The following CAMK2G variants were observed in gnomAD, a reference collection of about 807,000 sequenced individuals.
CAMK2G encodes the protein calcium/calmodulin-dependent protein kinase type II subunit gamma.
A neutral mutation model predicts 88.7 loss-of-function variants in CAMK2G; 23 were observed. The ratio of observed to expected loss-of-function variants is 0.26; its 90% CI spans 0.19 to 0.37. The LOEUF (loss-of-function observed/expected upper bound fraction) is 0.37, where lower values mean the gene tolerates loss of function less well. CAMK2G is among the 10% of genes least tolerant of loss of function. The probability of loss-of-function intolerance (pLI) is 1.00; values close to 1 mark genes in which losing one functional copy is unlikely to be tolerated. For synonymous variants in CAMK2G, 263 were observed against 294.8 expected, an observed-to-expected ratio of 0.89 and a Z score of 1.11; for missense variants, 476 against 780.8, an observed-to-expected ratio of 0.61 and a Z score of 4.65.
chr10:73,828,370 G>T (rs1406186837), intron 14 of CAMK2G, among the ~76,000 whole-genome samples: 1 of 152,206 alleles, frequency 6.6e-6, no homozygotes, highest in East Asian at 1.9e-4. Context: ...TATCTTCTGA[G>T]ATGTCTCAGC....
intron 4 of CAMK2G, 127 bp downstream of exon 4, chr10:73,853,065 C>T (rs1008254420): frequency 8.2e-6 from 7 of 854,108 alleles, no homozygotes; most frequent in African/African-American, 3.4e-5. Flanking sequence ...CCAGTCAAAT[C>T]CTTTCCCTCG....
Position 73,839,926 on chromosome 10 carries a change from T to A in CAMK2G, c.947-325A>T, listed in dbSNP as rs1207411057. Among the ~76,000 whole-genome samples, 2 of 152,146 alleles carry A rather than the reference T, an allele frequency of 1.3e-5. No individual in the cohort carries two copies. Among genetic ancestry groups the A allele is most frequent in the African/African-American group, 4.8e-5 (2 of 41,432 alleles). The stretch of plus-strand genomic sequence containing the variant: ...GCCGGTGAGAGGCAGGTGCCCCTTC[T>A]GAGGTAGCCCGGCCCTAGCTTAAGG... On this transcript the variant is annotated intron_variant, in intron 12 of 22. Transcript: ENST00000423381. The surrounding 1 kb of genome is among the most constrained non-coding windows in gnomAD (Gnocchi z 4.2).
intron 2 of CAMK2G, among the ~76,000 whole-genome samples, chr10:73,865,539 G>A (rs963858438): frequency 6.6e-6 from 1 of 152,134 alleles, no homozygotes; most frequent in African/African-American, 2.4e-5. Flanking sequence ...TCACATCCAG[G>A]GCTGGCCCAC....
At chr10:73,834,783 A>C (rs1386257003) in intron 14 of CAMK2G, among the ~76,000 whole-genome samples, 1 of 152,186 alleles carries the variant, frequency 6.6e-6, no homozygotes, top group East Asian at 1.9e-4. Context: ...TCCTTGGGCT[A>C]ATCTTACATG....
intron 18 of CAMK2G, among the ~76,000 whole-genome samples, chr10:73,820,338 C>CTG (rs2087513899): frequency 6.6e-6 from 1 of 151,612 alleles, no homozygotes; most frequent in African/African-American, 2.4e-5. Context: ...TACGGGCCCA[C>CTG]CAGGACATGA....
Position 73,848,690 on chromosome 10 carries a change from C to T in CAMK2G, c.518-81G>A. The T allele has an allele frequency of 1.3e-6, 1 of 772,860 alleles. No homozygotes were observed. The highest frequency in any genetic ancestry group is 1.7e-5 in the South Asian group (1 of 60,384). 47.9% of individuals were successfully genotyped at this position (772,860 alleles called of 1,614,324 possible). A position where few individuals can be genotyped will look rare whatever the true frequency, so the allele number is the denominator to read the frequency against. On this transcript the variant is annotated intron_variant, in intron 7 of 22. Coordinates refer to ENST00000423381, the MANE Select transcript of CAMK2G (RefSeq NM_001367534.1). This position sits in a 1 kb window ranked among gnomAD's most constrained non-coding sequence, Gnocchi z 4.5. ...CCACACCAGCCATTTCCCCCAAGTC[C>T]CATCTTATTCCTGCTGCTTTTGCTA...
intron 18 of CAMK2G, among the ~76,000 whole-genome samples, chr10:73,819,936 G>T (rs1301839641): frequency 6.6e-6 from 1 of 152,212 alleles, no homozygotes; most frequent in Non-Finnish European, 1.5e-5. Context: ...CGGGGAAGAT[G>T]TTCCAGGGGG....
intron 14 of CAMK2G, among the ~76,000 whole-genome samples, chr10:73,831,534 TAAAAAAAAAAAAAA>T (rs985986206): frequency 1.8e-5 from 1 of 54,614 alleles, no homozygotes; most frequent in Non-Finnish European, 3.5e-5. Flanking sequence ...AGACTCCGTC[TAAAAAAAAAAAAAA>T]AAAAAAAAAA....
At position 73,867,897 on chromosome 10, in the gene CAMK2G, T is replaced by G. The variant is rs1405168588; in HGVS notation, c.160+5092A>C. The stretch of plus-strand genomic sequence containing the variant: ...GAGCCCTGGCAAAGTCATGGGCACC[T>G]GCAGCACAAAACCAAAAAAGAAAAA... On this transcript the variant is annotated intron_variant, in intron 2 of 22. Coordinates refer to ENST00000423381, the MANE Select transcript of CAMK2G (RefSeq NM_001367534.1). Among the ~76,000 whole-genome samples, 3 of 152,252 alleles carry G rather than the reference T, an allele frequency of 2.0e-5. No homozygotes were observed. The South Asian group carries it at 6.2e-4, about 32-fold the overall frequency.
chr10:73,834,241 A>C (rs2092926044), intron 14 of CAMK2G, among the ~76,000 whole-genome samples: 2 of 152,132 alleles, frequency 1.3e-5, no homozygotes, highest in Admixed American at 6.5e-5. Flanking sequence ...AAGAGGGATT[A>C]TTTGTCACAG....
At chr10:73,818,607 G>C (rs2086593557) in intron 19 of CAMK2G, 1 of 440,002 alleles carries the variant, frequency 2.3e-6, no homozygotes, top group African/African-American at 2.0e-5. Flanking sequence ...GGACAGGGCA[G>C]CGCAGCCAAA....
rs375698377 is a variant in CAMK2G at position 73,838,015 on chromosome 10, C to G, written c.1010-504G>C. On this transcript the variant is annotated intron_variant, in intron 13 of 22. Coordinates refer to ENST00000423381, the MANE Select transcript of CAMK2G (RefSeq NM_001367534.1). ...CAGACACAGAAACCAGGACCACCTA[C>G]AGGAGGGTTTTGCCAGGGGGTTGAA... is the stretch of plus-strand genomic sequence containing the variant. Among the ~76,000 whole-genome samples the G allele has an allele frequency of 1.7e-4, 26 of 152,222 alleles. No homozygotes were observed. The East Asian group carries it at 1.7e-3, about 10-fold the overall frequency.
rs2093599131 is a variant in CAMK2G, at chr10:73,839,628, C to T, written c.947-27G>A. On this transcript the variant is annotated intron_variant, in intron 12 of 22. Coordinates refer to ENST00000423381, the MANE Select transcript of CAMK2G (RefSeq NM_001367534.1). The surrounding 1 kb of genome is among the most constrained non-coding windows in gnomAD (Gnocchi z 4.2). ...TGAGGGGATACAGTCTCTCAGTGCACAGAGCCCCGCAAAGCCACGGGGCCG... is the reference window on the plus strand; with the variant it reads ...TGAGGGGATACAGTCTCTCAGTGCATAGAGCCCCGCAAAGCCACGGGGCCG... 4.9e-6 allele frequency: 6 copies of T among 1,214,748 alleles called. No individual in the cohort carries two copies. The highest frequency in any genetic ancestry group is 6.2e-6 in the Non-Finnish European group (6 of 970,976). The allele number at this position is 1,214,748 out of a possible 1,614,324, so 75.2% of individuals were successfully genotyped here.
intron 21 of CAMK2G, chr10:73,816,725 T>C (rs12217245): frequency 0.14 from 183,569 of 1,321,862 alleles, 13,404 homozygotes; most frequent in South Asian, 0.22. Flanking sequence ...TCCCAAAGTG[T>C]TGGGATTACA....
chr10:73,832,487 A>C (rs2133963291), intron 14 of CAMK2G, among the ~76,000 whole-genome samples: 1 of 151,970 alleles, frequency 6.6e-6, no homozygotes, highest in Non-Finnish European at 1.5e-5. Flanking sequence ...TTGTATTTTT[A>C]GTAAAGACGG....
chr10:73,857,196 A>G (rs918489629), intron 3 of CAMK2G, among the ~76,000 whole-genome samples: 9 of 152,178 alleles, frequency 5.9e-5, no homozygotes, highest in Non-Finnish European at 1.2e-4. Flanking sequence ...TCAAGGGTAA[A>G]TGGTCAGGCT....
In CAMK2G at chr10:73,860,858, T is replaced by C. The variant is rs1309378526; in HGVS notation, c.192A>G (p.Ile64Met). 12 of 1,613,694 alleles carry C rather than the reference T, an allele frequency of 7.4e-6. No homozygotes were observed. In the Admixed American group the frequency reaches 2.0e-4, roughly 27 times the overall value. The change falls in exon 3 of 23, where the codon ATA (isoleucine) becomes ATG (methionine). Residue 64 changes from isoleucine to methionine, a missense_variant. Transcript: ENST00000423381. ...TGTTTGGATGTTTCAGAAGTCGACA[T>C]ATCCGAGCCTCACGTTCTAGTTTCT... ...DHQKLEREAR[I>M]CRLLKHPNIV...
chr10:73,837,804 T>C (rs953446822), intron 13 of CAMK2G, among the ~76,000 whole-genome samples: 5 of 152,168 alleles, frequency 3.3e-5, no homozygotes, highest in African/African-American at 1.2e-4. Flanking sequence ...CACTGGGGAC[T>C]CTGCCTTTGA....
intron 2 of CAMK2G, among the ~76,000 whole-genome samples, chr10:73,866,878 A>C (rs2135785378): frequency 6.6e-6 from 1 of 152,304 alleles, no homozygotes; most frequent in South Asian, 2.1e-4. Flanking sequence ...TGGGACACTG[A>C]CCAGTGGGAA....
Sources: gnomAD v4.1 joint callset for allele counts (sites outside exome capture counted in the v4.1 genomes callset) on GRCh38, gnomAD v4.1.1 for gene constraint, Gnocchi (gnomAD v3.1) non-coding constraint, MANE v1.5 for transcripts, NCBI Gene and HGNC (gene_info 2026-07-23, HGNC 2026-07-21) for gene names.